The following CLDN18 variants were observed in gnomAD, a reference collection of about 807,000 sequenced individuals.
CLDN18 encodes the protein claudin 18, also known as claudin-18.
Under a neutral mutation model 25.0 loss-of-function variants are expected in CLDN18, and 20 were observed. That is an observed-to-expected ratio of 0.80 (90% confidence interval 0.56 to 1.16). The LOEUF (loss-of-function observed/expected upper bound fraction) is 1.16, where lower values mean the gene tolerates loss of function less well. CLDN18 is among the 50% of genes most tolerant of loss of function. The pLI is 0.00. For missense variants in CLDN18, 297 were observed against 345.4 expected (o/e 0.86, Z 1.11); for synonymous variants, 125 against 135.6 (o/e 0.92, Z 0.54).
chr3:138,013,156 A>G (rs1942161673), intron 1 of CLDN18, among the ~76,000 whole-genome samples: 1 of 152,238 alleles, frequency 6.6e-6, no homozygotes, highest in Admixed American at 6.5e-5. Context: ...AAAACAGGTT[A>G]AGGTCTTCCC....
At position 138,029,811 on chromosome 3, in the gene CLDN18, C is replaced by T. The variant is rs756497056; in HGVS notation, c.518C>T (p.Ala173Val). 21 of 1,575,172 alleles carry T rather than the reference C, an allele frequency of 1.3e-5. No individual in the cohort carries two copies. The highest frequency in any genetic ancestry group is 9.4e-5 in the Admixed American group (5 of 53,090). Residue 173 changes from alanine to valine, a missense_variant, in exon 4 of 5, where the codon GCG (alanine) becomes GTG (valine). Transcript: ENST00000183605. ...QTVQTRYTFG[A>V]ALFVGWVAGG... is the part of the protein sequence containing the mutation. ...TCCCTACCCAGGTACACATTTGGTG[C>T]GGCTCTGTTCGTGGGCTGGGTCGCT...
upstream of CLDN18, among the ~76,000 whole-genome samples, chr3:138,009,740 C>T (rs1170900455): frequency 6.6e-6 from 1 of 152,188 alleles, no homozygotes; most frequent in African/African-American, 2.4e-5. Flanking sequence ...TGAAAAAAGT[C>T]GTTCATGAGT....
At chr3:138,018,851 T>C (rs2107883847) in intron 1 of CLDN18, among the ~76,000 whole-genome samples, 1 of 152,170 alleles carries the variant, frequency 6.6e-6, no homozygotes, top group South Asian at 2.1e-4. Flanking sequence ...TCATTGAGGG[T>C]CTTCTGTCCA....
chr3:138,021,382 C>A (rs904704280), intron 1 of CLDN18, among the ~76,000 whole-genome samples: 8 of 152,170 alleles, frequency 5.3e-5, no homozygotes, highest in African/African-American at 1.7e-4. Flanking sequence ...ACCCCACAAG[C>A]CCCTTCTAGT....
intron 3 of CLDN18, among the ~76,000 whole-genome samples, chr3:138,026,307 T>C (rs1439973259): frequency 1.3e-5 from 2 of 152,220 alleles, no homozygotes; most frequent in African/African-American, 4.8e-5. Context: ...GTGTTTTGTA[T>C]AAAACATTTC....
rs983066307 is a variant in CLDN18 at position 138,032,525 on chromosome 3, T to C, written c.*1384T>C. The C allele has an allele frequency of 6.6e-6, 1 of 151,868 alleles. No homozygotes were observed. The highest frequency in any genetic ancestry group is 2.4e-5 in the African/African-American group (1 of 41,312). 9.4% of individuals were successfully genotyped at this position (151,868 alleles called of 1,614,324 possible). On this transcript the variant is annotated 3_prime_UTR_variant, in exon 5 of 5. Transcript: ENST00000183605. ...AAAGTTGAGCCTGAATTAAATGTAATGTTTCCAAGTGACAGGTATCCACAT... is the reference window on the plus strand; with the variant it reads ...AAAGTTGAGCCTGAATTAAATGTAACGTTTCCAAGTGACAGGTATCCACAT...
intron 1 of CLDN18, 146 bp from the exon 2 acceptor site, chr3:138,023,512 C>G (rs1015828320): frequency 1.5e-6 from 1 of 651,396 alleles, no homozygotes; most frequent in East Asian, 2.8e-5. Flanking sequence ...TTGACAATGG[C>G]AAGGTTCACA....
At chr3:138,028,074 T>C (rs367609798) in intron 3 of CLDN18, among the ~76,000 whole-genome samples, 2 of 152,232 alleles carry the variant, frequency 1.3e-5, no homozygotes, top group East Asian at 3.9e-4. Context: ...TCTTTTTTTT[T>C]TTTTTCTTGA....
At chr3:138,027,673 A>C (rs1489412771) in intron 3 of CLDN18, among the ~76,000 whole-genome samples, 3 of 152,240 alleles carry the variant, frequency 2.0e-5, no homozygotes, top group Non-Finnish European at 4.4e-5. Flanking sequence ...GTAAGGGCTT[A>C]ATAAATGGTA....
intron 1 of CLDN18, among the ~76,000 whole-genome samples, chr3:138,015,997 C>G (rs12330713): frequency 0.38 from 57,114 of 151,956 alleles, 11,864 homozygotes; most frequent in Middle Eastern, 0.58. Context: ...ATAACTGATA[C>G]CTCAAGATTC....
intron 1 of CLDN18, among the ~76,000 whole-genome samples, chr3:138,018,574 G>A (rs952606762): frequency 1.6e-4 from 24 of 152,194 alleles, no homozygotes; most frequent in African/African-American, 5.8e-4. Flanking sequence ...CTGACCTCGT[G>A]ATCCGCCCGC....
rs769635313 is a variant in CLDN18, at chr3:138,030,927, A to G, written c.615-43A>G. On this transcript the variant is annotated intron_variant, in intron 4 of 4. Coordinates refer to ENST00000183605, the MANE Select transcript of CLDN18 (RefSeq NM_016369.4). ...TGGTAAATAGGAGGTTGGTCCTACTAACAAAGACATCTACAATCATGGAAT... is the reference window on the plus strand; with the variant it reads ...TGGTAAATAGGAGGTTGGTCCTACTGACAAAGACATCTACAATCATGGAAT... 3.2e-6 allele frequency: 5 copies of G among 1,568,332 alleles called. No individual in the cohort carries two copies. The African/African-American group carries it at 6.8e-5, about 21-fold the overall frequency.
intron 1 of CLDN18, chr3:138,004,810 T>C (rs1240952004): frequency 6.6e-6 from 1 of 151,206 alleles, no homozygotes; most frequent in Non-Finnish European, 1.5e-5. Flanking sequence ...TTTAAAATTA[T>C]AAAATAATTC....
At chr3:138,030,429 C>T (rs931456822) in intron 4 of CLDN18, among the ~76,000 whole-genome samples, 4 of 152,330 alleles carry the variant, frequency 2.6e-5, no homozygotes, top group South Asian at 4.1e-4. Context: ...CAGCTGGATT[C>T]CAGTGTGGTT....
chr3:138,033,103 G>C lies in CLDN18; in HGVS notation c.*1962G>C, dbSNP rs989534204. 1.3e-5 allele frequency: 2 copies of C among 152,202 alleles called. No individual in the cohort carries two copies. Among genetic ancestry groups the C allele is most frequent in the African/African-American group, 4.8e-5 (2 of 41,444 alleles). 9.4% of individuals were successfully genotyped at this position (152,202 alleles called of 1,614,324 possible). ...AAGGGGATTGGTGAATACTCATAAGGATCTTCAGGCTGAACAGACTATGTC... is the reference window on the plus strand; with the variant it reads ...AAGGGGATTGGTGAATACTCATAAGCATCTTCAGGCTGAACAGACTATGTC... On this transcript the variant is annotated 3_prime_UTR_variant, in exon 5 of 5. Coordinates refer to ENST00000183605, the MANE Select transcript of CLDN18 (RefSeq NM_016369.4).
chr3:138,012,304 A>T (rs1942143966), intron 1 of CLDN18, among the ~76,000 whole-genome samples: 2 of 152,134 alleles, frequency 1.3e-5, no homozygotes, highest in African/African-American at 4.8e-5. Context: ...GATGAAGGGG[A>T]GTATTTCAGT....
chr3:138,031,042 T>A lies in CLDN18; in HGVS notation c.687T>A (p.Thr229=), dbSNP rs991006794. 6.2e-6 allele frequency: 10 copies of A among 1,614,060 alleles called. No individual in the cohort carries two copies. Among genetic ancestry groups the A allele is most frequent in the Non-Finnish European group, 7.6e-6 (9 of 1,180,012 alleles). ...AYKPGGFKAS[T]GFGSNTKNKK... ...AGCCTGGAGGCTTCAAGGCCAGCAC[T>A]GGCTTTGGGTCCAACACCAAAAACA... The change falls in exon 5 of 5, where the codon ACT becomes ACA. Residue 229 remains threonine (T), a synonymous_variant. Coordinates refer to ENST00000183605, the MANE Select transcript of CLDN18 (RefSeq NM_016369.4).
At chr3:138,024,203 C>G (rs1942300015) in intron 2 of CLDN18, among the ~76,000 whole-genome samples, 1 of 151,234 alleles carries the variant, frequency 6.6e-6, no homozygotes, top group South Asian at 2.1e-4. Context: ...TGAATCTTAA[C>G]TTAAGCTGAA....
chr3:138,001,518 G>A (rs1483070523), intron 1 of CLDN18, among the ~76,000 whole-genome samples: 1 of 151,842 alleles, frequency 6.6e-6, no homozygotes, highest in Non-Finnish European at 1.5e-5. Flanking sequence ...CACCGCGCCC[G>A]GCAACATTCC....
Sources: gnomAD v4.1 joint callset for allele counts (sites outside exome capture counted in the v4.1 genomes callset) on GRCh38, gnomAD v4.1.1 for gene constraint, MANE v1.5 for transcripts, NCBI Gene and HGNC (gene_info 2026-07-23, HGNC 2026-07-21) for gene names.